CSMD1: variants seen among roughly 807,000 people sequenced by gnomAD.
CSMD1 encodes the protein CUB and Sushi multiple domains 1, also known as CUB and sushi domain-containing protein 1.
In CSMD1, 213 loss-of-function variants were observed where a neutral mutation model predicts 417.5. That is an observed-to-expected ratio of 0.51 (90% confidence interval 0.46 to 0.57). The LOEUF (loss-of-function observed/expected upper bound fraction) is 0.57. Among genes scored for constraint, CSMD1 ranks in the 20% least tolerant of loss-of-function variants. CSMD1 has a pLI of 0.00. For missense variants in CSMD1, 6,923 were observed against 4,529.7 expected, an observed-to-expected ratio of 1.53 and a Z score of -15.17; for synonymous variants, 2,862 against 1,736.8, an observed-to-expected ratio of 1.65 and a Z score of -16.11.
chr8:3,820,132 G>C (rs371494487), intron 5 of CSMD1, among the ~76,000 whole-genome samples: 13 of 152,266 alleles, frequency 8.5e-5, no homozygotes, highest in East Asian at 5.8e-4. Context: ...GTATGATCTT[G>C]ACCCTGGTCA....
At chr8:4,114,622 T>C (rs778735202) in intron 3 of CSMD1, among the ~76,000 whole-genome samples, 6 of 152,194 alleles carry the variant, frequency 3.9e-5, no homozygotes, top group Non-Finnish European at 5.9e-5. Context: ...TCAAAATAAA[T>C]TGAAAAACCT....
intron 3 of CSMD1, among the ~76,000 whole-genome samples, chr8:4,222,681 T>C (rs1471533400): frequency 1.3e-5 from 2 of 152,140 alleles, no homozygotes; most frequent in Non-Finnish European, 2.9e-5. Flanking sequence ...GTAACACAAC[T>C]ATTCAGTTAT....
At chr8:3,342,974 T>C (rs1192735982) in intron 23 of CSMD1, among the ~76,000 whole-genome samples, 2 of 152,146 alleles carry the variant, frequency 1.3e-5, no homozygotes, top group African/African-American at 4.8e-5. Flanking sequence ...CCTTCATATA[T>C]AAGCACATGA....
At chr8:4,456,760 G>C (rs951446508) in intron 2 of CSMD1, among the ~76,000 whole-genome samples, 7 of 152,010 alleles carry the variant, frequency 4.6e-5, no homozygotes, top group African/African-American at 1.4e-4. Context: ...AGATCCTAGG[G>C]AGAAGACCCA....
At chr8:4,251,564 C>G (rs1291046106) in intron 3 of CSMD1, among the ~76,000 whole-genome samples, 1 of 152,078 alleles carries the variant, frequency 6.6e-6, no homozygotes, top group Non-Finnish European at 1.5e-5. Flanking sequence ...GGGCAGTATC[C>G]CACAGGTGAC....
At chr8:3,865,186 A>T (rs1466374886) in intron 5 of CSMD1, among the ~76,000 whole-genome samples, 1 of 152,184 alleles carries the variant, frequency 6.6e-6, no homozygotes, top group Non-Finnish European at 1.5e-5. Context: ...GGCACCTCTG[A>T]TATTTAACAT....
chr8:3,709,943 G>A (rs1462476223), intron 6 of CSMD1, among the ~76,000 whole-genome samples: 1 of 150,700 alleles, frequency 6.6e-6, no homozygotes, highest in East Asian at 2.0e-4. Context: ...AGGGGTTGGG[G>A]CACTGACCAA....
At chr8:3,459,492 C>T (rs755718700) in intron 12 of CSMD1, among the ~76,000 whole-genome samples, 12 of 152,146 alleles carry the variant, frequency 7.9e-5, no homozygotes, top group African/African-American at 2.2e-4. Context: ...GTGATCTCCA[C>T]GCATGCGGCA....
intron 1 of CSMD1, among the ~76,000 whole-genome samples, chr8:4,871,208 T>C (rs1179534096): frequency 6.6e-6 from 1 of 152,142 alleles, no homozygotes; most frequent in Non-Finnish European, 1.5e-5. Context: ...GATTTTGTTC[T>C]AAGAAAGGAA....
intron 2 of CSMD1, among the ~76,000 whole-genome samples, chr8:4,427,749 T>C (rs185969328): frequency 2.7e-3 from 405 of 152,304 alleles, no homozygotes; most frequent in Admixed American, 4.3e-3. Context: ...ATAAAGTATA[T>C]AAATCTCTCA....
chr8:4,635,212 AC>A (rs1563355035), intron 2 of CSMD1, among the ~76,000 whole-genome samples: 2 of 152,182 alleles, frequency 1.3e-5, no homozygotes, highest in African/African-American at 4.8e-5. Flanking sequence ...AAAGAAAAAA[AC>A]ATTCTGTTGT....
At chr8:3,732,174 G>A (rs755229881) in intron 6 of CSMD1, among the ~76,000 whole-genome samples, 2 of 152,224 alleles carry the variant, frequency 1.3e-5, no homozygotes, top group African/African-American at 4.8e-5. Flanking sequence ...ACTCGTGGTG[G>A]TTGCCTTGGG....
intron 3 of CSMD1, among the ~76,000 whole-genome samples, chr8:4,055,209 A>G (rs553977868): frequency 1.8e-4 from 27 of 152,282 alleles, no homozygotes; most frequent in Admixed American, 7.2e-4. Flanking sequence ...TTCTTATTCA[A>G]TTTTTAAAAA....
chr8:3,147,620 A>T (rs1818921558), intron 40 of CSMD1, among the ~76,000 whole-genome samples: 1 of 152,172 alleles, frequency 6.6e-6, no homozygotes, highest in Admixed American at 6.5e-5. Context: ...GTAAAATTTG[A>T]GCACCCTGGG....
rs187186513 is a variant in CSMD1 at position 4,421,979 on chromosome 8, T to G, written c.303-1914A>C. ...TTAAACATCAAATATTACTATGAAC[T>G]CAGAATTCATCATAAAGATAATAAA... On this transcript the variant is annotated intron_variant, in intron 2 of 69. Coordinates refer to ENST00000635120, the MANE Select transcript of CSMD1 (RefSeq NM_033225.6). Among the ~76,000 whole-genome samples, 404 of 152,076 alleles carry G rather than the reference T, an allele frequency of 2.7e-3. 2 individuals are homozygous for G. Among genetic ancestry groups the G allele is most frequent in the Non-Finnish European group, 3.8e-3 (255 of 67,966 alleles).
intron 2 of CSMD1, among the ~76,000 whole-genome samples, chr8:4,534,920 G>A (rs1054610911): frequency 5.3e-5 from 8 of 152,058 alleles, no homozygotes; most frequent in African/African-American, 1.9e-4. Flanking sequence ...CTGCCACCAC[G>A]CCCGGCTTAT....
intron 3 of CSMD1, among the ~76,000 whole-genome samples, chr8:4,132,279 G>A (rs948464795): frequency 6.7e-6 from 1 of 150,050 alleles, no homozygotes; most frequent in Non-Finnish European, 1.5e-5. Flanking sequence ...TTTATCCAAG[G>A]TGATGTTTAT....
intron 1 of CSMD1, among the ~76,000 whole-genome samples, chr8:4,701,469 C>A (rs967967104): frequency 6.6e-6 from 1 of 152,044 alleles, no homozygotes; most frequent in Non-Finnish European, 1.5e-5. Flanking sequence ...GCACAGTACT[C>A]CTCCTCCCCG....
intron 9 of CSMD1, among the ~76,000 whole-genome samples, chr8:3,579,219 G>A (rs954869055): frequency 1.3e-5 from 2 of 152,142 alleles, no homozygotes; most frequent in Admixed American, 6.5e-5. Flanking sequence ...AAAGTGGAAA[G>A]GGAGAAGAAA....
Sources: gnomAD v4.1 joint callset for allele counts (sites outside exome capture counted in the v4.1 genomes callset) on GRCh38, gnomAD v4.1.1 for gene constraint, MANE v1.5 for transcripts, NCBI Gene and HGNC (gene_info 2026-07-23, HGNC 2026-07-21) for gene names.